The following IL1RAPL1 variants were observed in gnomAD, a reference collection of about 807,000 sequenced individuals.
The protein encoded by IL1RAPL1 is interleukin 1 receptor accessory protein like 1, also known as interleukin-1 receptor accessory protein-like 1.
In IL1RAPL1, 3 loss-of-function variants were observed where a neutral mutation model predicts 48.4. That is an observed-to-expected ratio of 0.06 (90% CI 0.03 to 0.16). The LOEUF (loss-of-function observed/expected upper bound fraction) is 0.16. Among genes scored for constraint, IL1RAPL1 ranks in the 10% least tolerant of loss-of-function variants. IL1RAPL1 has a pLI of 1.00. For synonymous variants in IL1RAPL1, 185 were observed against 187.7 expected (o/e 0.99, Z 0.12); for missense variants, 349 against 530.6 (o/e 0.66, Z 3.36).
chrX:28,766,988 A>G, intron 1 of IL1RAPL1, among the ~76,000 whole-genome samples: 2 of 111,541 alleles, frequency 1.8e-5, no homozygotes, highest in Middle Eastern at 4.7e-3. Flanking sequence ...TGTGACCAGT[A>G]CTGCAACAAA....
chrX:28,852,276 A>G (rs1195741857), intron 2 of IL1RAPL1, among the ~76,000 whole-genome samples: 2 of 111,711 alleles, frequency 1.8e-5, no homozygotes, highest in Admixed American at 9.5e-5. Context: ...TTTAAACAGT[A>G]TGATGTATAG....
At chrX:29,164,074 G>A (rs1350216810) in intron 2 of IL1RAPL1, among the ~76,000 whole-genome samples, 1 of 111,769 alleles carries the variant, frequency 8.9e-6, no homozygotes, top group Non-Finnish European at 1.9e-5. Flanking sequence ...AATGTTTGAA[G>A]CATAAGGAAG....
At chrX:28,816,860 A>G (rs1936876934) in intron 2 of IL1RAPL1, among the ~76,000 whole-genome samples, 2 of 110,409 alleles carry the variant, frequency 1.8e-5, no homozygotes, top group African/African-American at 6.6e-5. Flanking sequence ...CATTTCCACC[A>G]ACAGTATATA....
At chrX:28,832,516 TAATAAA>T (rs1921090061) in intron 2 of IL1RAPL1, among the ~76,000 whole-genome samples, 1 of 111,367 alleles carries the variant, frequency 9.0e-6, no homozygotes, top group Non-Finnish European at 1.9e-5. Context: ...TGTTGTCATT[TAATAAA>T]AATAAACCAG....
intron 5 of IL1RAPL1, among the ~76,000 whole-genome samples, chrX:29,432,951 T>G (rs1934438327): frequency 9.0e-6 from 1 of 111,253 alleles, no homozygotes; most frequent in Non-Finnish European, 1.9e-5. Flanking sequence ...AATCACAGAT[T>G]AAAGCAGTGT....
chrX:29,911,431 A>G (rs756614686), intron 6 of IL1RAPL1, among the ~76,000 whole-genome samples: 15 of 111,934 alleles, frequency 1.3e-4, no homozygotes, highest in African/African-American at 4.5e-4. Context: ...GCATATACAG[A>G]AAACCATGGA....
intron 5 of IL1RAPL1, among the ~76,000 whole-genome samples, chrX:29,470,529 C>A (rs2147739477): frequency 8.9e-6 from 1 of 111,824 alleles, no homozygotes; most frequent in East Asian, 2.8e-4. Context: ...CCTTCATAAC[C>A]AAGCATCTTT....
intron 6 of IL1RAPL1, among the ~76,000 whole-genome samples, chrX:29,817,948 C>A (rs1342602856): frequency 1.8e-5 from 2 of 111,575 alleles, no homozygotes; most frequent in Non-Finnish European, 1.9e-5. Context: ...CTCATATGAG[C>A]AAGGAGATGT....
chrX:29,877,249 G>T lies in IL1RAPL1; in HGVS notation c.779-40215G>T, dbSNP rs557727310. ...TGCCTGCATCTGCCTTTCATTCTTA[G>T]TTTGGGCAAAATGAGTGGTGAATGA... On this transcript the variant is annotated intron_variant, in intron 6 of 10. Transcript: ENST00000378993. Among the ~76,000 whole-genome samples, 8 of 111,265 alleles carry T rather than the reference G, an allele frequency of 7.2e-5. No homozygotes were observed. In the South Asian group the frequency reaches 3.0e-3, roughly 42 times the overall value.
intron 6 of IL1RAPL1, among the ~76,000 whole-genome samples, chrX:29,696,441 C>T (rs1926914831): frequency 8.9e-6 from 1 of 112,198 alleles, no homozygotes; most frequent in African/African-American, 3.2e-5. Flanking sequence ...GTGTCTTCCA[C>T]TTAAAGCAGT....
At chrX:29,075,290 G>A (rs938342245) in intron 2 of IL1RAPL1, among the ~76,000 whole-genome samples, 2 of 111,566 alleles carry the variant, frequency 1.8e-5, no homozygotes, top group African/African-American at 3.3e-5. Context: ...TTTGCCTCTT[G>A]GAAATAGAAG....
chrX:29,813,712 T>A (rs1224991121), intron 6 of IL1RAPL1, among the ~76,000 whole-genome samples: 1 of 111,053 alleles, frequency 9.0e-6, no homozygotes, highest in East Asian at 2.8e-4. Flanking sequence ...TAGTACCCAA[T>A]ACGTAGTTTT....
chrX:29,910,140 TGAAGG>T (rs1192680022), intron 6 of IL1RAPL1, among the ~76,000 whole-genome samples: 3 of 110,639 alleles, frequency 2.7e-5, no homozygotes, highest in Non-Finnish European at 5.7e-5. Context: ...TTATTGTAAA[TGAAGG>T]GAAAGAAAAC....
chrX:29,409,663 T>G, intron 5 of IL1RAPL1, among the ~76,000 whole-genome samples: 1 of 111,671 alleles, frequency 9.0e-6, no homozygotes, highest in East Asian at 2.8e-4. Context: ...TAGAACATAT[T>G]CATAGCAAGG....
At chrX:28,815,935 A>G (rs1188246686) in intron 2 of IL1RAPL1, among the ~76,000 whole-genome samples, 1 of 90,020 alleles carries the variant, frequency 1.1e-5, no homozygotes, top group Non-Finnish European at 2.2e-5. Context: ...TTGAATCCAT[A>G]TTTTGGCTAT....
intron 2 of IL1RAPL1, among the ~76,000 whole-genome samples, chrX:28,847,133 CTT>C (rs1217194902): frequency 9.0e-6 from 1 of 111,457 alleles, no homozygotes; most frequent in Admixed American, 9.5e-5. Context: ...TCAGTAGTAA[CTT>C]TATCCTTTCA....
chrX:29,187,420 A>C (rs1930272597), intron 2 of IL1RAPL1, among the ~76,000 whole-genome samples: 1 of 111,410 alleles, frequency 9.0e-6, no homozygotes, highest in African/African-American at 3.3e-5. Flanking sequence ...TACTCATGGC[A>C]ATAAAAACTC....
rs762146549 is a variant in IL1RAPL1, at chrX:29,633,468, T to TATACACAC, written c.704-34961_704-34960insTACACACA. ...TTGTGACAATTTATCGATATATATATACACACACACACACACACACACACA... is the reference window on the plus strand; with the variant it reads ...TTGTGACAATTTATCGATATATATATATACACACACACACACACACACACACACACACA... On this transcript the variant is annotated intron_variant, in intron 5 of 10. Transcript: ENST00000378993. Among the ~76,000 whole-genome samples the TATACACAC allele has an allele frequency of 2.7e-3, 265 of 97,740 alleles. 1 individual carries two copies. The highest frequency in any genetic ancestry group is 9.5e-3 in the African/African-American group (251 of 26,553). The allele number at this position is 97,740 out of a possible 115,157, so 84.9% of individuals were successfully genotyped here.
At chrX:28,746,570 G>T (rs1002618588) in intron 1 of IL1RAPL1, among the ~76,000 whole-genome samples, 4 of 111,488 alleles carry the variant, frequency 3.6e-5, no homozygotes, top group African/African-American at 9.8e-5. Context: ...GAATAGAAGG[G>T]ATATAATCTG....
Sources: gnomAD v4.1 joint callset for allele counts (sites outside exome capture counted in the v4.1 genomes callset) on GRCh38, gnomAD v4.1.1 for gene constraint, MANE v1.5 for transcripts, NCBI Gene and HGNC (gene_info 2026-07-23, HGNC 2026-07-21) for gene names.